Variants in XPOT observed in about 807,000 individuals in gnomAD.
The protein encoded by XPOT is exportin for tRNA.
A neutral mutation model predicts 128.2 loss-of-function variants in XPOT; 34 were observed. That is an observed-to-expected ratio of 0.27 (90% CI 0.20 to 0.35). XPOT has a LOEUF of 0.35. XPOT is among the 10% of genes least tolerant of loss of function. The pLI is 1.00. For missense variants in XPOT, 838 were observed against 1,125.3 expected (o/e 0.74, Z 3.65); for synonymous variants, 348 against 394.3 (o/e 0.88, Z 1.39).
chr12:64,422,647 C>T (rs1221380716), intron 9 of XPOT, among the ~76,000 whole-genome samples: 4 of 152,040 alleles, frequency 2.6e-5, no homozygotes. Flanking sequence ...ACCTGTAATC[C>T]CAGCACTTGG....
intron 1 of XPOT, among the ~76,000 whole-genome samples, chr12:64,408,584 A>G (rs895870446): frequency 3.9e-5 from 6 of 152,190 alleles, no homozygotes; most frequent in African/African-American, 1.2e-4. Flanking sequence ...GTTGGAACCT[A>G]TATTGTGAAG....
intron 24 of XPOT, among the ~76,000 whole-genome samples, chr12:64,447,314 G>A (rs551977892): frequency 6.6e-6 from 1 of 152,276 alleles, no homozygotes; most frequent in South Asian, 2.1e-4. Context: ...ACCTGCCATG[G>A]ATGGCAGCAT....
intron 21 of XPOT, among the ~76,000 whole-genome samples, chr12:64,435,309 A>G (rs2136032768): frequency 6.6e-6 from 1 of 152,324 alleles, no homozygotes; most frequent in Non-Finnish European, 1.5e-5. Flanking sequence ...AGTTTCCCCA[A>G]ATCTAATTTT....
At chr12:64,408,664 A>ATT (rs11440677) in intron 1 of XPOT, among the ~76,000 whole-genome samples, 3 of 151,118 alleles carry the variant, frequency 2.0e-5, no homozygotes, top group South Asian at 2.1e-4. Flanking sequence ...TCATTTGTGG[A>ATT]TTTTTTTTTG....
chr12:64,407,343 G>C (rs867015006), intron 1 of XPOT, among the ~76,000 whole-genome samples: 5 of 151,914 alleles, frequency 3.3e-5, no homozygotes, highest in African/African-American at 1.2e-4. Context: ...AAAATTAGCC[G>C]GGTGTGGTGG....
chr12:64,418,176 AG>A lies in XPOT; in HGVS notation c.270+62del, dbSNP rs2136017335. On this transcript the variant is annotated intron_variant, in intron 5 of 24. Transcript: ENST00000332707. ...TAGATATTTAAACTTATTTTTTGCA[AG>A]AGTTTGGAACTTTACCTCAAAGATT... is the stretch of plus-strand genomic sequence containing the variant. 3 of 1,442,498 alleles carry A rather than the reference AG, an allele frequency of 2.1e-6. No homozygotes were observed. The Admixed American group carries it at 5.6e-5, about 27-fold the overall frequency. The allele number at this position is 1,442,498 out of a possible 1,614,324, so 89.4% of individuals were successfully genotyped here. A position where few individuals can be genotyped will look rare whatever the true frequency, so the allele number is the denominator to read the frequency against.
In XPOT at chr12:64,434,499, C is replaced by T. The variant is rs544184001; in HGVS notation, c.2453-8C>T. ...GAAATTGCTTAAACTAAAGGTTTTT[C>T]TCCTCAGGTGCAGAGAATGTAGAAA... On this transcript the variant is annotated splice_region_variant and splice_polypyrimidine_tract_variant and intron_variant, in intron 19 of 24. Transcript: ENST00000332707. 170 of 1,599,732 alleles carry T rather than the reference C, an allele frequency of 1.1e-4. 3 individuals are homozygous for T. In the South Asian group the frequency reaches 1.8e-3, roughly 17 times the overall value.
At chr12:64,422,384 ATC>A (rs2040146594) in intron 9 of XPOT, among the ~76,000 whole-genome samples, 1 of 152,202 alleles carries the variant, frequency 6.6e-6, no homozygotes, top group African/African-American at 2.4e-5. Context: ...GAAAGGTATG[ATC>A]ACTATTGGTA....
chr12:64,435,019 T>C, intron 21 of XPOT, 110 bp downstream of exon 21: 1 of 889,582 alleles, frequency 1.1e-6, no homozygotes, highest in Non-Finnish European at 1.7e-6. Context: ...TTTAACTTAG[T>C]GATTTCAGAT....
At chr12:64,408,526 C>T (rs2040003759) in intron 1 of XPOT, among the ~76,000 whole-genome samples, 2 of 152,108 alleles carry the variant, frequency 1.3e-5, no homozygotes, top group South Asian at 4.1e-4. Flanking sequence ...AATGAATATG[C>T]ATTCTATCAA....
intron 23 of XPOT, among the ~76,000 whole-genome samples, chr12:64,443,976 A>G (rs998252266): frequency 6.6e-6 from 1 of 152,190 alleles, no homozygotes; most frequent in African/African-American, 2.4e-5. Context: ...TTGTGATCTT[A>G]GTGCTCATCA....
Position 64,434,504 on chromosome 12 carries a change from C to T in XPOT, c.2453-3C>T, listed in dbSNP as rs1230906001. On this transcript the variant is annotated splice_region_variant and splice_polypyrimidine_tract_variant and intron_variant, in intron 19 of 24. Coordinates refer to ENST00000332707, the MANE Select transcript of XPOT (RefSeq NM_007235.6). ...TGCTTAAACTAAAGGTTTTTCTCCT[C>T]AGGTGCAGAGAATGTAGAAAGAGTG... 2 of 1,605,808 alleles carry T rather than the reference C, an allele frequency of 1.2e-6. No homozygotes were observed. Among genetic ancestry groups the T allele is most frequent in the Middle Eastern group, 1.7e-4 (1 of 6,042 alleles).
chr12:64,430,332 C>G, intron 17 of XPOT, 45 bp downstream of exon 17: 1 of 1,405,562 alleles, frequency 7.1e-7, no homozygotes, highest in Non-Finnish European at 9.6e-7. Context: ...TGTATCTACA[C>G]AGACAGAACC....
chr12:64,417,934 A>G (rs2040102762), intron 4 of XPOT, 112 bp from the exon 5 acceptor site: 2 of 700,906 alleles, frequency 2.9e-6, no homozygotes, highest in African/African-American at 1.8e-5. Flanking sequence ...AGGGAACTTC[A>G]GATAATTGAG....
At chr12:64,426,170 G>A (rs2040190595) in intron 15 of XPOT, among the ~76,000 whole-genome samples, 1 of 151,944 alleles carries the variant, frequency 6.6e-6, no homozygotes, top group Non-Finnish European at 1.5e-5. Flanking sequence ...AGCTAGGCAT[G>A]GTGGCGGGTT....
chr12:64,429,568 G>C (rs767862648), intron 16 of XPOT, among the ~76,000 whole-genome samples: 2 of 151,442 alleles, frequency 1.3e-5, no homozygotes, highest in African/African-American at 2.4e-5. Flanking sequence ...TCAGCCTCCC[G>C]CGTAGCTGGG....
intron 22 of XPOT, among the ~76,000 whole-genome samples, chr12:64,437,005 A>G (rs536129133): frequency 7.2e-5 from 11 of 152,318 alleles, no homozygotes; most frequent in Admixed American, 5.2e-4. Context: ...TTATTGCCAC[A>G]TAGCTACAGC....
chr12:64,425,679 G>T, intron 14 of XPOT, 136 bp from the exon 15 acceptor site: 2 of 999,660 alleles, frequency 2.0e-6, no homozygotes, highest in South Asian at 3.0e-5. Flanking sequence ...GTGTAGTTTA[G>T]AATTACTCGT....
chr12:64,413,224 T>C (rs970307941), intron 2 of XPOT, among the ~76,000 whole-genome samples: 3 of 152,158 alleles, frequency 2.0e-5, no homozygotes, highest in Non-Finnish European at 4.4e-5. Flanking sequence ...CACCTTAGCC[T>C]CCCAAGTAGT....
Sources: allele counts gnomAD v4.1 joint callset (sites outside exome capture counted in the v4.1 genomes callset), GRCh38; gene constraint gnomAD v4.1.1; transcripts MANE v1.5; gene names NCBI Gene and HGNC (gene_info 2026-07-23, HGNC 2026-07-21).